The following CLCN5 variants were observed in gnomAD, a reference collection of about 807,000 sequenced individuals.
CLCN5 encodes the protein Cl-/H+ antiporter 5, also known as H(+)/Cl(-) exchange transporter 5.
Under a neutral mutation model 54.0 loss-of-function variants are expected in CLCN5, and 17 were observed. The ratio of observed to expected loss-of-function variants is 0.31; its 90% CI spans 0.22 to 0.47. The LOEUF is 0.47. CLCN5 is among the 20% of genes least tolerant of loss of function. The pLI is 1.00. For missense variants in CLCN5, 448 were observed against 646.7 expected, an observed-to-expected ratio of 0.69 and a Z score of 3.33; for synonymous variants, 222 against 233.0, an observed-to-expected ratio of 0.95 and a Z score of 0.43.
At chrX:49,979,343 C>T (rs930475696) in intron 3 of CLCN5, among the ~76,000 whole-genome samples, 11 of 111,503 alleles carry the variant, frequency 9.9e-5, no homozygotes, top group African/African-American at 3.6e-4. Context: ...AGAGTTTAGT[C>T]CTTCACAAAT....
In CLCN5 at chrX:50,092,661, T is replaced by A. The variant is rs1242274402; in HGVS notation, c.*442T>A. The A allele has an allele frequency of 7.8e-6, 1 of 127,958 alleles. No individual in the cohort carries two copies. Among genetic ancestry groups the A allele is most frequent in the Non-Finnish European group, 1.6e-5 (1 of 62,442 alleles). The allele number at this position is 127,958 out of a possible 1,213,427, so 10.5% of individuals were successfully genotyped here. A position where few individuals can be genotyped will look rare whatever the true frequency, so the allele number is the denominator to read the frequency against. Reference sequence around the variant, plus strand: ...GAAGACGAAGTGTAAACTAAGGGGCTTTGCTTTTCAAACCAGAGAAAGGAA... The same window carrying A: ...GAAGACGAAGTGTAAACTAAGGGGCATTGCTTTTCAAACCAGAGAAAGGAA... On this transcript the variant is annotated 3_prime_UTR_variant, in exon 15 of 15. Transcript: ENST00000376091.
At chrX:49,974,896 G>T (rs1001857524) in intron 3 of CLCN5, among the ~76,000 whole-genome samples, 1 of 112,165 alleles carries the variant, frequency 8.9e-6, no homozygotes, top group Non-Finnish European at 1.9e-5. Context: ...GAAGGAGTTG[G>T]TGAGTGTTCA....
intron 3 of CLCN5, among the ~76,000 whole-genome samples, chrX:49,941,407 C>T (rs782336710): frequency 1.8e-5 from 2 of 111,513 alleles, no homozygotes; most frequent in Non-Finnish European, 3.8e-5. Context: ...ACTCAGAATA[C>T]TTTATTATGG....
At chrX:50,010,924 A>G (rs1188913371) in intron 3 of CLCN5, among the ~76,000 whole-genome samples, 2 of 99,112 alleles carry the variant, frequency 2.0e-5, no homozygotes, top group Non-Finnish European at 4.1e-5. Context: ...CAGGGAGGAG[A>G]ATGGACTCCT....
Position 49,925,241 on chromosome X carries a change from C to T in CLCN5, c.-58C>T, listed in dbSNP as rs1408428951. 5 of 1,172,570 alleles carry T rather than the reference C, an allele frequency of 4.3e-6. No individual in the cohort carries two copies. Among genetic ancestry groups the T allele is most frequent in the Non-Finnish European group, 4.6e-6 (4 of 860,549 alleles). Reference sequence around the variant, plus strand: ...CTTTCTATCAAGTCTCCCTACAAAACTGAGAGGCTCTGGGAAACTCAGCCT... The same window carrying T: ...CTTTCTATCAAGTCTCCCTACAAAATTGAGAGGCTCTGGGAAACTCAGCCT... On this transcript the variant is annotated 5_prime_UTR_variant, in exon 3 of 15. Transcript: ENST00000376091.
At chrX:49,969,203 A>T (rs1003381130) in intron 3 of CLCN5, among the ~76,000 whole-genome samples, 1 of 110,521 alleles carries the variant, frequency 9.0e-6, no homozygotes, top group Non-Finnish European at 1.9e-5. Flanking sequence ...TCAGCCTCCC[A>T]AGTAGCTGGG....
intron 3 of CLCN5, among the ~76,000 whole-genome samples, chrX:50,011,912 G>A (rs1049439550): frequency 6.3e-5 from 7 of 111,062 alleles, no homozygotes; most frequent in Admixed American, 1.9e-4. Context: ...GTGTCAATGC[G>A]GTGCACCCAG....
chrX:50,078,285 G>A (rs1316268028), intron 7 of CLCN5, among the ~76,000 whole-genome samples: 1 of 111,240 alleles, frequency 9.0e-6, no homozygotes, highest in Non-Finnish European at 1.9e-5. Context: ...AGTGAGCAAT[G>A]ATAGTGCCAC....
At chrX:50,066,370 T>C (rs1933023428) in intron 4 of CLCN5, among the ~76,000 whole-genome samples, 1 of 111,580 alleles carries the variant, frequency 9.0e-6, no homozygotes, top group African/African-American at 3.3e-5. Context: ...AATGATGAAC[T>C]GAAAGCATAC....
At chrX:49,982,201 G>A (rs73490055) in intron 3 of CLCN5, among the ~76,000 whole-genome samples, 3,488 of 110,624 alleles carry the variant, frequency 0.032, 136 homozygotes, top group African/African-American at 0.11. Flanking sequence ...TAAATGTAGA[G>A]GAGCCTTCTG....
intron 3 of CLCN5, among the ~76,000 whole-genome samples, chrX:49,939,458 A>G (rs1557170329): frequency 8.9e-6 from 1 of 111,748 alleles, no homozygotes; most frequent in African/African-American, 3.3e-5. Flanking sequence ...CTATGCAGCC[A>G]TAAAAAAGGA....
chrX:50,083,057 C>T (rs899541537), intron 9 of CLCN5, among the ~76,000 whole-genome samples: 32 of 110,723 alleles, frequency 2.9e-4, no homozygotes, highest in African/African-American at 1.1e-3. Context: ...TAATTAAGGG[C>T]CTAAGAGAAT....
chrX:49,929,778 TG>T (rs1170915902), intron 3 of CLCN5, among the ~76,000 whole-genome samples: 1 of 107,434 alleles, frequency 9.3e-6, no homozygotes, highest in African/African-American at 3.5e-5. Context: ...ATAGGTTTTT[TG>T]TTTTTTTTTT....
chrX:49,937,345 C>A (rs1203626976), intron 3 of CLCN5, among the ~76,000 whole-genome samples: 1 of 111,998 alleles, frequency 8.9e-6, no homozygotes, highest in Non-Finnish European at 1.9e-5. Flanking sequence ...TTTCTGTACA[C>A]TGCTCGACTT....
chrX:49,998,851 C>T (rs1311358193), intron 3 of CLCN5, among the ~76,000 whole-genome samples: 1 of 111,267 alleles, frequency 9.0e-6, no homozygotes, highest in African/African-American at 3.3e-5. Context: ...GGTTTGCTGG[C>T]TTGAGTCTTC....
Position 50,077,624 on chromosome X carries a change from G to A in CLCN5, c.603+1642G>A, listed in dbSNP as rs1293035097. 1.8e-4 allele frequency among the ~76,000 whole-genome samples: 16 copies of A among 87,599 alleles called. 1 individual carries two copies. Among genetic ancestry groups the A allele is most frequent in the African/African-American group, 6.7e-4 (15 of 22,255 alleles). The allele number at this position is 87,599 out of a possible 115,157, so 76.1% of individuals were successfully genotyped here. A position where few individuals can be genotyped will look rare whatever the true frequency, so the allele number is the denominator to read the frequency against. On this transcript the variant is annotated intron_variant, in intron 7 of 14. Coordinates refer to ENST00000376091, the MANE Select transcript of CLCN5 (RefSeq NM_001127898.4). ...AGAGAGAGAGAGAGAGAGAGAGAGTGTGTGTGTGTGTGTGTGTGTGTGTGT... is the reference window on the plus strand; with the variant it reads ...AGAGAGAGAGAGAGAGAGAGAGAGTATGTGTGTGTGTGTGTGTGTGTGTGT...
At chrX:49,984,546 T>A (rs1928898145) in intron 3 of CLCN5, among the ~76,000 whole-genome samples, 1 of 111,777 alleles carries the variant, frequency 8.9e-6, no homozygotes, top group African/African-American at 3.2e-5. Flanking sequence ...ATAATATTGC[T>A]TATTTCTTTT....
chrX:49,957,240 C>T (rs1425267807), intron 3 of CLCN5, among the ~76,000 whole-genome samples: 2 of 111,244 alleles, frequency 1.8e-5, no homozygotes, highest in Non-Finnish European at 3.8e-5. Context: ...GTGGAGGCTG[C>T]AGTGAGCCAA....
rs1486877950 is a variant in CLCN5 at position 50,063,811 on chromosome X, A to G, written c.164-6068A>G. Among the ~76,000 whole-genome samples, 10 of 111,219 alleles carry G rather than the reference A, an allele frequency of 9.0e-5. No homozygotes were observed. The Admixed American group carries it at 9.5e-4, about 11-fold the overall frequency. ...CAGCACATCAAAAAGCTTATCCACC[A>G]TGATCAAGTGGGCGTCATCCCTGGG... is the stretch of plus-strand genomic sequence containing the variant. On this transcript the variant is annotated intron_variant, in intron 4 of 14. Coordinates refer to ENST00000376091, the MANE Select transcript of CLCN5 (RefSeq NM_001127898.4).
Sources: gnomAD v4.1 joint callset for allele counts (sites outside exome capture counted in the v4.1 genomes callset) on GRCh38, gnomAD v4.1.1 for gene constraint, MANE v1.5 for transcripts, NCBI Gene and HGNC (gene_info 2026-07-23, HGNC 2026-07-21) for gene names.